Variants in TSGA10 observed in about 807,000 individuals in gnomAD.
The protein encoded by TSGA10 is testis specific 10.
A neutral mutation model predicts 96.6 loss-of-function variants in TSGA10; 43 were observed. The observed-to-expected ratio is 0.44, with a 90% CI of 0.35 to 0.57. TSGA10 has a LOEUF of 0.57. Ranked by LOEUF, TSGA10 falls within the 20% of genes least tolerant of loss-of-function variation. The pLI is 0.01. For synonymous variants in TSGA10, 229 were observed against 269.9 expected (o/e 0.85, Z 1.48); for missense variants, 703 against 834.4 (o/e 0.84, Z 1.94).
At chr2:99,145,677 A>AT (rs1449757409) in intron 1 of TSGA10, among the ~76,000 whole-genome samples, 1 of 152,234 alleles carries the variant, frequency 6.6e-6, no homozygotes, top group Non-Finnish European at 1.5e-5. Context: ...GCCACATAAC[A>AT]TAACATAGTC....
At chr2:99,020,510 C>T in intron 17 of TSGA10, 28 bp from the exon 18 acceptor site, 1 of 1,513,348 alleles carries the variant, frequency 6.6e-7, no homozygotes, top group Non-Finnish European at 9.1e-7. Flanking sequence ...GATATCTACA[C>T]TTATTCCCAT....
intron 12 of TSGA10, among the ~76,000 whole-genome samples, chr2:99,074,331 G>A (rs957346208): frequency 2.2e-5 from 3 of 136,966 alleles, no homozygotes; most frequent in African/African-American, 8.2e-5. Context: ...TTTCTTTAGC[G>A]TTAGTTTTAC....
At chr2:99,086,653 T>C (rs971794359) in intron 10 of TSGA10, among the ~76,000 whole-genome samples, 4 of 152,166 alleles carry the variant, frequency 2.6e-5, no homozygotes, top group African/African-American at 7.2e-5. Context: ...AAAGGCTGAA[T>C]TGCTTTCCTT....
At chr2:99,067,029 G>A (rs2085333986) in intron 15 of TSGA10, among the ~76,000 whole-genome samples, 1 of 152,112 alleles carries the variant, frequency 6.6e-6, no homozygotes. Context: ...ATATGTTTTA[G>A]TTCTAACAAA....
chr2:99,042,112 G>A (rs181353009), intron 16 of TSGA10, among the ~76,000 whole-genome samples: 15 of 148,856 alleles, frequency 1.0e-4, no homozygotes, highest in African/African-American at 2.2e-4. Flanking sequence ...GTACTGTCTC[G>A]GCTCACTGCA....
chr2:99,149,488 G>A (rs2093667479), intron 1 of TSGA10, among the ~76,000 whole-genome samples: 1 of 149,590 alleles, frequency 6.7e-6, no homozygotes, highest in Admixed American at 6.7e-5. Flanking sequence ...TGTCGCCCAG[G>A]CTGGAGTGCA....
intron 4 of TSGA10, among the ~76,000 whole-genome samples, chr2:99,112,903 G>A (rs2091938618): frequency 6.9e-6 from 1 of 143,976 alleles, no homozygotes; most frequent in African/African-American, 2.5e-5. Context: ...TTTACACAAT[G>A]TCTTCCACAC....
At chr2:99,114,118 CAAACTAACAGT>C (rs1312402398) in intron 4 of TSGA10, among the ~76,000 whole-genome samples, 1 of 152,160 alleles carries the variant, frequency 6.6e-6, no homozygotes, top group Non-Finnish European at 1.5e-5. Context: ...CAATTCCAGA[CAAACTAACAGT>C]AGCTTTAGCC....
intron 1 of TSGA10, among the ~76,000 whole-genome samples, chr2:99,143,647 G>C (rs116528598): frequency 6.6e-6 from 1 of 151,294 alleles, no homozygotes; most frequent in Non-Finnish European, 1.5e-5. Context: ...ATTTTTGTAT[G>C]TTTTTGTAGA....
intron 16 of TSGA10, among the ~76,000 whole-genome samples, chr2:99,059,656 A>C (rs139539341): frequency 6.5e-4 from 99 of 151,392 alleles, no homozygotes; most frequent in Non-Finnish European, 1.2e-3. Flanking sequence ...ACACACACAC[A>C]CAACTTTAAG....
intron 1 of TSGA10, among the ~76,000 whole-genome samples, chr2:99,139,831 A>C (rs752782936): frequency 7.9e-5 from 12 of 152,246 alleles, no homozygotes; most frequent in Non-Finnish European, 1.3e-4. Flanking sequence ...GTGAAACATT[A>C]AGGAAAATCA....
At chr2:99,077,365 T>A (rs2086836979) in intron 12 of TSGA10, among the ~76,000 whole-genome samples, 1 of 152,020 alleles carries the variant, frequency 6.6e-6, no homozygotes, top group Non-Finnish European at 1.5e-5. Flanking sequence ...GTTGAAATAA[T>A]GAATGGATGG....
At chr2:99,131,268 T>C (rs926118780) in intron 1 of TSGA10, among the ~76,000 whole-genome samples, 1 of 152,208 alleles carries the variant, frequency 6.6e-6, no homozygotes, top group Non-Finnish European at 1.5e-5. Context: ...ATGGAATGTT[T>C]TTCCATTTGT....
chr2:99,086,409 G>C (rs2104639020), intron 10 of TSGA10, among the ~76,000 whole-genome samples: 1 of 152,248 alleles, frequency 6.6e-6, no homozygotes, highest in East Asian at 1.9e-4. Context: ...GTTTACCCAG[G>C]CATGCCAGGT....
chr2:99,027,822 C>T (rs1253708523), intron 17 of TSGA10, among the ~76,000 whole-genome samples: 1 of 152,136 alleles, frequency 6.6e-6, no homozygotes, highest in Non-Finnish European at 1.5e-5. Context: ...TATGGATGGG[C>T]TGCATTTTCC....
chr2:99,002,843 T>C (rs1042566689), intron 20 of TSGA10, among the ~76,000 whole-genome samples: 1 of 151,514 alleles, frequency 6.6e-6, no homozygotes, highest in African/African-American at 2.4e-5. Context: ...GTTACAATCC[T>C]AGTCTCTGAT....
intron 2 of TSGA10, chr2:99,124,720 G>A (rs2092738064): frequency 1.3e-5 from 2 of 152,050 alleles, no homozygotes; most frequent in East Asian, 1.9e-4. Flanking sequence ...AAGTAGCTGG[G>A]ACTACAGGCA....
chr2:99,151,913 CTTTTCCGGGGGGAAGCTA>C, intron 1 of TSGA10, among the ~76,000 whole-genome samples: 1 of 152,244 alleles, frequency 6.6e-6, no homozygotes, highest in East Asian at 1.9e-4. Flanking sequence ...GAAAGGGCAT[CTTTTCCGGGGGGAAGCTA>C]TATTTTATTA....
chr2:99,019,203 A>T (rs1376398095), intron 18 of TSGA10, among the ~76,000 whole-genome samples: 2 of 152,190 alleles, frequency 1.3e-5, no homozygotes, highest in Non-Finnish European at 2.9e-5. Context: ...CACACAGAAC[A>T]TTCTATCCTC....
Sources: allele counts gnomAD v4.1 joint callset (sites outside exome capture counted in the v4.1 genomes callset), GRCh38; gene constraint gnomAD v4.1.1; transcripts MANE v1.5; gene names NCBI Gene and HGNC (gene_info 2026-07-23, HGNC 2026-07-21).